The following KLF8 variants were observed in gnomAD, a reference collection of about 807,000 sequenced individuals.
KLF8 encodes the protein KLF transcription factor 8, also known as Krueppel-like factor 8.
Under a neutral mutation model 18.2 loss-of-function variants are expected in KLF8, and 10 were observed. The observed-to-expected ratio is 0.55, with a 90% confidence interval of 0.34 to 0.93. The LOEUF (loss-of-function observed/expected upper bound fraction) is 0.93, where lower values mean the gene tolerates loss of function less well. Ranked by LOEUF, KLF8 falls within the 40% of genes least tolerant of loss-of-function variation. The pLI is 0.02. For missense variants in KLF8, 264 were observed against 277.9 expected, an observed-to-expected ratio of 0.95 and a Z score of 0.36; for synonymous variants, 109 against 97.3, an observed-to-expected ratio of 1.12 and a Z score of -0.71.
the KLF8 span, among the ~76,000 whole-genome samples, chrX:56,180,290 G>A: frequency 9.0e-6 from 1 of 111,583 alleles, no homozygotes; most frequent in Admixed American, 9.5e-5. Context: ...ATTCTCTGAT[G>A]GTAGTTTGTA....
the KLF8 span, among the ~76,000 whole-genome samples, chrX:56,213,952 A>C: frequency 2.7e-5 from 3 of 111,414 alleles, no homozygotes; most frequent in African/African-American, 6.5e-5. Flanking sequence ...TTGCTGATGG[A>C]AGTGGCTCTT....
the KLF8 span, among the ~76,000 whole-genome samples, chrX:56,113,993 C>T: frequency 4.5e-5 from 5 of 112,032 alleles, no homozygotes; most frequent in Admixed American, 9.4e-5. Context: ...TGGGAGACTG[C>T]GGCTGGCCCT....
chrX:56,206,432 G>A, the KLF8 span, among the ~76,000 whole-genome samples: 1 of 112,104 alleles, frequency 8.9e-6, no homozygotes, highest in Non-Finnish European at 1.9e-5. Flanking sequence ...GGGAGTACGG[G>A]CATTGGATAA....
At chrX:55,931,068 T>C in the KLF8 span, among the ~76,000 whole-genome samples, 4 of 111,962 alleles carry the variant, frequency 3.6e-5, no homozygotes, top group Admixed American at 1.9e-4. Context: ...TCAGAACTTG[T>C]TGTTGGTCCA....
the KLF8 span, among the ~76,000 whole-genome samples, chrX:56,046,707 C>T: frequency 9.0e-6 from 1 of 111,206 alleles, no homozygotes; most frequent in African/African-American, 3.3e-5. Flanking sequence ...AACATAGGAC[C>T]TCGATCTCTT....
chrX:56,120,982 T>C, the KLF8 span, among the ~76,000 whole-genome samples: 546 of 110,186 alleles, frequency 5.0e-3, 3 homozygotes, highest in African/African-American at 0.014. Flanking sequence ...GTCAGGAGAT[T>C]GAGACCATCC....
the KLF8 span, among the ~76,000 whole-genome samples, chrX:55,939,243 A>C: frequency 2.7e-5 from 3 of 111,964 alleles, no homozygotes; most frequent in African/African-American, 9.7e-5. Flanking sequence ...TCTCAAGTAC[A>C]TGGAAACTGA....
the KLF8 span, among the ~76,000 whole-genome samples, chrX:56,034,021 CA>C: frequency 1.8e-5 from 2 of 112,325 alleles, no homozygotes; most frequent in African/African-American, 6.5e-5. Flanking sequence ...TTGTTTGTTA[CA>C]AACAGGTTTG....
At chrX:56,060,868 A>G in the KLF8 span, among the ~76,000 whole-genome samples, 1 of 111,495 alleles carries the variant, frequency 9.0e-6, no homozygotes, top group Admixed American at 9.5e-5. Flanking sequence ...CCTCAATTTC[A>G]GAACTTGTTA....
the KLF8 span, among the ~76,000 whole-genome samples, chrX:56,043,569 C>A: frequency 9.0e-6 from 1 of 111,373 alleles, no homozygotes; most frequent in Non-Finnish European, 1.9e-5. Context: ...GAAAGATAGT[C>A]TTCAGGCTCT....
the KLF8 span, among the ~76,000 whole-genome samples, chrX:55,964,665 A>T: frequency 8.9e-6 from 1 of 111,916 alleles, no homozygotes; most frequent in African/African-American, 3.2e-5. Context: ...TGCTAGATAG[A>T]CAAATGAATA....
At chrX:56,155,410 A>G in the KLF8 span, among the ~76,000 whole-genome samples, 1 of 110,871 alleles carries the variant, frequency 9.0e-6, no homozygotes, top group African/African-American at 3.3e-5. Flanking sequence ...AACAATGAGA[A>G]CACTTGGACA....
chrX:55,961,457 C>T, the KLF8 span: 1 of 546,912 alleles, frequency 1.8e-6, no homozygotes, highest in Non-Finnish European at 3.4e-6. Context: ...AAGGAAGAGG[C>T]CCAGATTGCC....
the KLF8 span, among the ~76,000 whole-genome samples, chrX:56,119,490 G>A: frequency 1.8e-5 from 2 of 110,630 alleles, no homozygotes; most frequent in African/African-American, 3.3e-5. Context: ...TGCAACCTCT[G>A]CCTTCTGGGT....
chrX:55,996,817 G>T, the KLF8 span, among the ~76,000 whole-genome samples: 5 of 112,114 alleles, frequency 4.5e-5, no homozygotes, highest in African/African-American at 1.6e-4. Context: ...CAGGATAGTG[G>T]CAGCATGGTA....
chrX:55,972,607 T>C, the KLF8 span, among the ~76,000 whole-genome samples: 3 of 111,630 alleles, frequency 2.7e-5, no homozygotes, highest in Admixed American at 2.9e-4. Context: ...GTGATAGTTA[T>C]GCATTGGCTT....
chrX:56,014,817 G>GTTTTTTTTTT, the KLF8 span: 1 of 59,370 alleles, frequency 1.7e-5, no homozygotes, highest in African/African-American at 7.2e-5. Context: ...ACAAGATCAT[G>GTTTTTTTTTT]TTTTTTTTTT....
the KLF8 span, among the ~76,000 whole-genome samples, chrX:56,096,221 C>G: frequency 9.0e-6 from 1 of 111,381 alleles, no homozygotes; most frequent in African/African-American, 3.3e-5. Context: ...CGTATTCTCA[C>G]TTATAAGTGG....
chrX:55,984,111 T>C, the KLF8 span, among the ~76,000 whole-genome samples: 1 of 109,504 alleles, frequency 9.1e-6, no homozygotes, highest in Non-Finnish European at 1.9e-5. Context: ...GGAATTTGGA[T>C]TTGTTTTTTT....
Sources: gnomAD v4.1 joint callset for allele counts (sites outside exome capture counted in the v4.1 genomes callset) on GRCh38, gnomAD v4.1.1 for gene constraint, MANE v1.5 for transcripts, NCBI Gene and HGNC (gene_info 2026-07-23, HGNC 2026-07-21) for gene names.